Variants in RTN4RL1 observed in about 807,000 individuals in gnomAD.
RTN4RL1 encodes the protein reticulon-4 receptor-like 1.
A neutral mutation model predicts 25.6 loss-of-function variants in RTN4RL1; 7 were observed. That is an observed-to-expected ratio of 0.27 (90% confidence interval 0.16 to 0.51). The LOEUF is 0.51. RTN4RL1 is among the 20% of genes least tolerant of loss of function. The pLI is 0.97. For synonymous variants in RTN4RL1, 297 were observed against 288.2 expected, an observed-to-expected ratio of 1.03 and a Z score of -0.31; for missense variants, 500 against 615.6, an observed-to-expected ratio of 0.81 and a Z score of 1.99.
At chr17:1,943,592 G>A (rs146405072) in intron 1 of RTN4RL1, among the ~76,000 whole-genome samples, 239 of 152,264 alleles carry the variant, frequency 1.6e-3, no homozygotes, top group African/African-American at 5.6e-3. Context: ...TATGCCAGTC[G>A]ATGCTAACCC....
intron 1 of RTN4RL1, among the ~76,000 whole-genome samples, chr17:1,988,513 AAAAAAAAAAG>A (rs1002939374): frequency 1.4e-5 from 2 of 141,220 alleles, no homozygotes; most frequent in African/African-American, 2.7e-5. Context: ...TCTCAAAAAA[AAAAAAAAAAG>A]AAAAGAAAAG....
At chr17:1,942,708 G>C (rs1289937681) in intron 1 of RTN4RL1, among the ~76,000 whole-genome samples, 1 of 152,094 alleles carries the variant, frequency 6.6e-6, no homozygotes, top group Non-Finnish European at 1.5e-5. Context: ...TTGCTGGTCA[G>C]GGAGCATGGG....
At chr17:1,986,885 G>A (rs1454320611) in intron 1 of RTN4RL1, among the ~76,000 whole-genome samples, 1 of 152,036 alleles carries the variant, frequency 6.6e-6, no homozygotes, top group East Asian at 1.9e-4. Context: ...AGGCTTCCAG[G>A]CCTGGGTTCC....
chr17:2,010,048 G>A (rs568145618), intron 1 of RTN4RL1, among the ~76,000 whole-genome samples: 1 of 128,850 alleles, frequency 7.8e-6, no homozygotes, highest in African/African-American at 3.0e-5. Context: ...GCCTCTGTTC[G>A]AATGTCCGTC....
rs117173308 is a variant in RTN4RL1 at position 2,014,333 on chromosome 17, G to A, written c.13+10520C>T. On this transcript the variant is annotated intron_variant, in intron 1 of 1. Transcript: ENST00000331238. ...CAGATCACATAAAAGTATTATCATC[G>A]CAACAAGGAAGGCTGAGTACCATGA... Among the ~76,000 whole-genome samples, 272 of 152,240 alleles carry A rather than the reference G, an allele frequency of 1.8e-3. 4 individuals carry two copies. The East Asian group carries it at 0.05, about 28-fold the overall frequency.
chr17:2,008,470 C>A (rs1222713234), intron 1 of RTN4RL1, among the ~76,000 whole-genome samples: 1 of 152,140 alleles, frequency 6.6e-6, no homozygotes, highest in African/African-American at 2.4e-5. Context: ...CACGAACACC[C>A]TGGGAGGGGT....
At chr17:1,991,464 CAA>C (rs918564841) in intron 1 of RTN4RL1, among the ~76,000 whole-genome samples, 4 of 40,144 alleles carry the variant, frequency 1.0e-4, no homozygotes, top group African/African-American at 2.7e-4. Flanking sequence ...AAAAAAAAAA[CAA>C]AAAAAAACTT....
chr17:2,023,680 A>ACCTCCCCCCCCCCCCCCCCCCCCC (rs2067239599), intron 1 of RTN4RL1: 1 of 46,470 alleles, frequency 2.2e-5, no homozygotes, highest in Non-Finnish European at 4.6e-5. Context: ...CACCTCCCCA[A>ACCTCCCCCCCCCCCCCCCCCCCCC]CCTCCCCCCC....
At chr17:1,955,408 G>A (rs908014736) in intron 1 of RTN4RL1, among the ~76,000 whole-genome samples, 2 of 151,622 alleles carry the variant, frequency 1.3e-5, no homozygotes, top group African/African-American at 2.4e-5. Flanking sequence ...TTTTAACAAT[G>A]AGCCGGCTGT....
In RTN4RL1 at chr17:2,025,167, T is replaced by G; in HGVS notation, c.-302A>C. The G allele has an allele frequency of 3.7e-6, 1 of 270,574 alleles. No individual in the cohort carries two copies. Among genetic ancestry groups the G allele is most frequent in the Non-Finnish European group, 6.9e-6 (1 of 144,114 alleles). The allele number at this position is 270,574 out of a possible 1,614,324, so 16.8% of individuals were successfully genotyped here. On this transcript the variant is annotated 5_prime_UTR_variant, in exon 1 of 2. Transcript: ENST00000331238. This position sits in a 1 kb window ranked among gnomAD's most constrained non-coding sequence, Gnocchi z 4.8. Reference sequence around the variant, plus strand: ...GGCCTGCTTCTGCCACCCGGAGCACTTCGCAGGCGGTTTTGAGGGGGGACG... The same window carrying G: ...GGCCTGCTTCTGCCACCCGGAGCACGTCGCAGGCGGTTTTGAGGGGGGACG...
intron 1 of RTN4RL1, among the ~76,000 whole-genome samples, chr17:1,974,533 G>A (rs2066834561): frequency 6.6e-6 from 1 of 152,210 alleles, no homozygotes; most frequent in South Asian, 2.1e-4. Flanking sequence ...TGACAAAGGT[G>A]TGGGTGGGGC....
intron 1 of RTN4RL1, among the ~76,000 whole-genome samples, chr17:1,991,621 T>C (rs1048100249): frequency 2.0e-5 from 3 of 152,202 alleles, no homozygotes; most frequent in Admixed American, 2.0e-4. Flanking sequence ...CATACAAGCA[T>C]GTCTTTTTAG....
At chr17:2,014,267 G>T (rs189472082) in intron 1 of RTN4RL1, among the ~76,000 whole-genome samples, 29 of 152,330 alleles carry the variant, frequency 1.9e-4, no homozygotes, top group African/African-American at 6.5e-4. Context: ...GGGTGGAGAA[G>T]TTGCAGTCTC....
intron 1 of RTN4RL1, among the ~76,000 whole-genome samples, chr17:1,993,313 A>C (rs533813443): frequency 6.6e-6 from 1 of 152,280 alleles, no homozygotes; most frequent in Admixed American, 6.5e-5. Context: ...GTCAGAACTG[A>C]CACACCCAAA....
chr17:2,011,824 C>A (rs1039937270), intron 1 of RTN4RL1, among the ~76,000 whole-genome samples: 1 of 152,164 alleles, frequency 6.6e-6, no homozygotes, highest in Admixed American at 6.5e-5. Context: ...TGCCACCCCA[C>A]GAGTCACGTG....
intron 1 of RTN4RL1, among the ~76,000 whole-genome samples, chr17:1,943,835 C>T (rs941001082): frequency 6.6e-6 from 1 of 152,086 alleles, no homozygotes; most frequent in Non-Finnish European, 1.5e-5. Context: ...GGACGTGGGG[C>T]GTGGGGTGTG....
At position 1,936,949 on chromosome 17, in the gene RTN4RL1, C is replaced by G; in HGVS notation, c.873G>C (p.Gln291His). 1 of 1,609,088 alleles carries G rather than the reference C, an allele frequency of 6.2e-7. No individual in the cohort carries two copies. The highest frequency in any genetic ancestry group is 8.5e-7 in the Non-Finnish European group (1 of 1,178,924). The change falls in exon 2 of 2, where the codon CAG becomes CAC. Residue 291 changes from glutamine (Q) to histidine (H), a missense_variant. By Grantham distance (24) the Gln-to-His change is conservative. Coordinates refer to ENST00000331238, the MANE Select transcript of RTN4RL1 (RefSeq NM_178568.4). ...PCVSPGLRHG[Q>H]DLKLLRAEDF... ...CCTCGGCCCTCAGCAGCTTCAGGTC[C>G]TGGCCGTGCCGCAGCCCAGGGGACA...
intron 1 of RTN4RL1, chr17:2,003,241 AC>A (rs1466984419): frequency 6.6e-6 from 1 of 152,270 alleles, no homozygotes; most frequent in African/African-American, 2.4e-5. Context: ...GGCCTCCGAT[AC>A]CTGATCCTGC....
At position 1,994,281 on chromosome 17, in the gene RTN4RL1, G is replaced by A. The variant is rs1481525187; in HGVS notation, c.13+30572C>T. On this transcript the variant is annotated intron_variant, in intron 1 of 1. Coordinates refer to ENST00000331238, the MANE Select transcript of RTN4RL1 (RefSeq NM_178568.4). The surrounding 1 kb of genome is among the most constrained non-coding windows in gnomAD (Gnocchi z 4.3). ...ACTCCATCCCTTATGGGGATAGTGA[G>A]GAGGGAGTCCAGGGACAGGGGGCCA... Among the ~76,000 whole-genome samples, 1 of 152,032 alleles carries A rather than the reference G, an allele frequency of 6.6e-6. No homozygotes were observed. The highest frequency in any genetic ancestry group is 1.9e-4 in the East Asian group (1 of 5,192).
Sources: gnomAD v4.1 joint callset for allele counts (sites outside exome capture counted in the v4.1 genomes callset) on GRCh38, gnomAD v4.1.1 for gene constraint, Gnocchi (gnomAD v3.1) non-coding constraint, MANE v1.5 for transcripts, NCBI Gene and HGNC (gene_info 2026-07-23, HGNC 2026-07-21) for gene names.